Variants in PTPRD observed in about 807,000 individuals in gnomAD.
PTPRD encodes receptor-type tyrosine-protein phosphatase delta.
A neutral mutation model predicts 214.5 loss-of-function variants in PTPRD; 34 were observed. The observed-to-expected ratio is 0.16, with a 90% CI of 0.12 to 0.21. The LOEUF is 0.21. PTPRD is among the 10% of genes least tolerant of loss of function. The pLI, the probability that PTPRD is intolerant of heterozygous loss-of-function variation, is 1.00. For missense variants in PTPRD, 2,545 were observed against 2,398.7 expected (o/e 1.06, Z -1.27); for synonymous variants, 1,128 against 845.7 (o/e 1.33, Z -5.79).
chr9:9,017,909 CGT>C (rs1476276293), intron 11 of PTPRD, among the ~76,000 whole-genome samples: 1 of 151,966 alleles, frequency 6.6e-6, no homozygotes, highest in African/African-American at 2.4e-5. Flanking sequence ...TATTGAATAT[CGT>C]GTCTCTATAT....
intron 10 of PTPRD, among the ~76,000 whole-genome samples, chr9:9,049,135 T>C (rs772021724): frequency 1.3e-5 from 2 of 152,228 alleles, no homozygotes; most frequent in Non-Finnish European, 2.9e-5. Flanking sequence ...GTTTTTTGCT[T>C]CCTTGTAAAA....
At chr9:8,681,012 T>A (rs1290599663) in intron 12 of PTPRD, among the ~76,000 whole-genome samples, 2 of 152,192 alleles carry the variant, frequency 1.3e-5, no homozygotes, top group Non-Finnish European at 2.9e-5. Context: ...TTCAAAAATT[T>A]GAAACAGTCA....
chr9:9,375,058 C>T (rs1404753481), intron 9 of PTPRD, among the ~76,000 whole-genome samples: 9 of 152,076 alleles, frequency 5.9e-5, no homozygotes, highest in Admixed American at 5.9e-4. Flanking sequence ...AAACATAGGT[C>T]TATAACCAAA....
intron 11 of PTPRD, among the ~76,000 whole-genome samples, chr9:8,830,597 C>A (rs77960467): frequency 0.1 from 15,210 of 152,008 alleles, 1,045 homozygotes; most frequent in South Asian, 0.19. Context: ...CCTTCAACTC[C>A]CCCCAGTGAG....
At chr9:9,155,434 A>T (rs1302115328) in intron 10 of PTPRD, among the ~76,000 whole-genome samples, 3 of 152,136 alleles carry the variant, frequency 2.0e-5, no homozygotes, top group Non-Finnish European at 4.4e-5. Flanking sequence ...AGATCCTGGG[A>T]TTAATGTTCT....
At chr9:8,592,332 C>G (rs1418588707) in intron 14 of PTPRD, among the ~76,000 whole-genome samples, 1 of 152,098 alleles carries the variant, frequency 6.6e-6, no homozygotes, top group African/African-American at 2.4e-5. Context: ...CTTTAGCTGA[C>G]TAAACTTTAA....
At chr9:9,334,293 G>T (rs2043542520) in intron 9 of PTPRD, among the ~76,000 whole-genome samples, 1 of 152,080 alleles carries the variant, frequency 6.6e-6, no homozygotes, top group East Asian at 1.9e-4. Flanking sequence ...AAAACAAAAA[G>T]AGGATTGATG....
intron 8 of PTPRD, among the ~76,000 whole-genome samples, chr9:9,424,711 G>C (rs568399806): frequency 6.6e-6 from 1 of 152,062 alleles, no homozygotes; most frequent in Non-Finnish European, 1.5e-5. Context: ...TGTCTATCTA[G>C]CCTGAAGAAT....
chr9:8,519,966 C>T (rs1336086475), intron 20 of PTPRD, among the ~76,000 whole-genome samples: 2 of 152,084 alleles, frequency 1.3e-5, no homozygotes, highest in Non-Finnish European at 2.9e-5. Flanking sequence ...ACACACTACT[C>T]AAAGAACTAC....
chr9:9,139,889 T>C (rs543794593), intron 10 of PTPRD, among the ~76,000 whole-genome samples: 1 of 152,196 alleles, frequency 6.6e-6, no homozygotes, highest in African/African-American at 2.4e-5. Flanking sequence ...TCAGACTAAT[T>C]AGTGTAAAAA....
At chr9:8,454,032 A>T (rs1405079674) in intron 33 of PTPRD, among the ~76,000 whole-genome samples, 2 of 152,246 alleles carry the variant, frequency 1.3e-5, no homozygotes, top group Non-Finnish European at 2.9e-5. Flanking sequence ...TGGATTAATC[A>T]TTCAATAATC....
chr9:9,094,644 A>C (rs1370092247), intron 10 of PTPRD, among the ~76,000 whole-genome samples: 1 of 152,166 alleles, frequency 6.6e-6, no homozygotes, highest in Non-Finnish European at 1.5e-5. Context: ...ATGTAACAAA[A>C]AACCACCTGT....
intron 7 of PTPRD, among the ~76,000 whole-genome samples, chr9:9,679,898 T>A (rs1222645483): frequency 6.6e-6 from 1 of 151,854 alleles, no homozygotes; most frequent in Non-Finnish European, 1.5e-5. Context: ...CACATTGGAG[T>A]AAAATAGTGT....
chr9:9,588,356 C>A (rs1431252692), intron 7 of PTPRD, among the ~76,000 whole-genome samples: 4 of 151,918 alleles, frequency 2.6e-5, no homozygotes, highest in African/African-American at 4.8e-5. Flanking sequence ...TCTATTTTGA[C>A]AGTATGCACA....
rs2096882118 is a variant in PTPRD, at chr9:9,518,210, C to A, written c.-237+56522G>T. 3.3e-5 allele frequency among the ~76,000 whole-genome samples: 5 copies of A among 151,934 alleles called. No individual in the cohort carries two copies. The South Asian group carries it at 1.0e-3, about 31-fold the overall frequency. On this transcript the variant is annotated intron_variant, in intron 8 of 45. Coordinates refer to ENST00000381196, the MANE Select transcript of PTPRD (RefSeq NM_002839.4). ...GGATCAACTTTCTGTGATGTTGAAT[C>A]ATAAAGTATAAGTTAGAGACAAAGC... is the stretch of plus-strand genomic sequence containing the variant.
chr9:8,885,488 C>CTT lies in PTPRD; in HGVS notation c.-104+133207_-104+133208dup, dbSNP rs35568734. Among the ~76,000 whole-genome samples the CTT allele has an allele frequency of 9.8e-3, 916 of 93,220 alleles. 7 individuals carry two copies. The highest frequency in any genetic ancestry group is 0.013 in the African/African-American group (341 of 25,710). The allele number at this position is 93,220 out of a possible 152,430, so 61.2% of individuals were successfully genotyped here. Reference sequence around the variant, plus strand: ...GTCTTTCCATTATACCACACAGCCTCTTTTTTTTTTTTTTTTTTTTTTTCT... The same window carrying CTT: ...GTCTTTCCATTATACCACACAGCCTCTTTTTTTTTTTTTTTTTTTTTTTTTCT... On this transcript the variant is annotated intron_variant, in intron 11 of 45. Transcript: ENST00000381196.
At chr9:9,622,414 A>G (rs1039486521) in intron 7 of PTPRD, among the ~76,000 whole-genome samples, 8 of 152,224 alleles carry the variant, frequency 5.3e-5, no homozygotes, top group African/African-American at 1.9e-4. Context: ...ATTAATATAC[A>G]GGAGATGAAA....
intron 8 of PTPRD, among the ~76,000 whole-genome samples, chr9:9,520,831 G>A (rs1317544794): frequency 6.6e-6 from 1 of 152,114 alleles, no homozygotes; most frequent in African/African-American, 2.4e-5. Flanking sequence ...CAAGGGTTTA[G>A]CACTATTTAA....
intron 44 of PTPRD, among the ~76,000 whole-genome samples, chr9:8,324,879 G>C (rs1563923889): frequency 6.6e-6 from 1 of 152,116 alleles, no homozygotes; most frequent in Non-Finnish European, 1.5e-5. Context: ...TCATATGTTT[G>C]TCTGCCGCAT....
Sources: gnomAD v4.1 joint callset for allele counts (sites outside exome capture counted in the v4.1 genomes callset) on GRCh38, gnomAD v4.1.1 for gene constraint, MANE v1.5 for transcripts, NCBI Gene and HGNC (gene_info 2026-07-23, HGNC 2026-07-21) for gene names.